The following SUGCT variants were observed in gnomAD, a reference collection of about 807,000 sequenced individuals.
SUGCT encodes succinyl-CoA:glutarate-CoA transferase.
In SUGCT, 41 loss-of-function variants were observed where a neutral mutation model predicts 55.0. The observed-to-expected ratio is 0.74, with a 90% CI of 0.58 to 0.97. The LOEUF (loss-of-function observed/expected upper bound fraction) is 0.97. SUGCT is among the 50% of genes least tolerant of loss of function. The pLI, the probability that SUGCT is intolerant of heterozygous loss-of-function variation, is 0.00. For synonymous variants in SUGCT, 187 were observed against 200.4 expected (o/e 0.93, Z 0.56); for missense variants, 568 against 547.8 (o/e 1.04, Z -0.37).
chr7:40,300,130 A>G (rs1220893752), intron 8 of SUGCT, among the ~76,000 whole-genome samples: 1 of 152,204 alleles, frequency 6.6e-6, no homozygotes, highest in East Asian at 1.9e-4. Context: ...CTTGGATGAT[A>G]TTTTTAAAAT....
the SUGCT span, among the ~76,000 whole-genome samples, chr7:40,900,211 G>T: frequency 2.0e-5 from 3 of 152,176 alleles, no homozygotes; most frequent in Admixed American, 6.5e-5. Context: ...GTCATTCAAT[G>T]CCCAGAGCAA....
chr7:40,838,607 C>T (rs78490985), intron 13 of SUGCT, among the ~76,000 whole-genome samples: 2,301 of 151,410 alleles, frequency 0.015, 142 homozygotes, highest in East Asian at 0.11. Context: ...ATCTTGTATC[C>T]TAAGGCCTTC....
chr7:40,890,902 T>A, the SUGCT span, among the ~76,000 whole-genome samples: 1 of 152,236 alleles, frequency 6.6e-6, no homozygotes, highest in African/African-American at 2.4e-5. Flanking sequence ...TGAATACTGA[T>A]GGAAAACCAA....
chr7:40,496,164 A>C (rs1192422816), intron 11 of SUGCT, 120 bp from the exon 12 acceptor site: 2 of 640,566 alleles, frequency 3.1e-6, no homozygotes, highest in African/African-American at 3.7e-5. Flanking sequence ...TGAGGTGTAA[A>C]GAAAGACTAG....
intron 9 of SUGCT, among the ~76,000 whole-genome samples, chr7:40,358,873 T>G (rs1798008532): frequency 6.6e-6 from 1 of 152,250 alleles, no homozygotes; most frequent in Non-Finnish European, 1.5e-5. Context: ...TTTAACTATT[T>G]AATAGGCTAG....
chr7:40,471,687 A>C (rs770595164), intron 11 of SUGCT, among the ~76,000 whole-genome samples: 9 of 152,270 alleles, frequency 5.9e-5, no homozygotes, highest in Non-Finnish European at 1.0e-4. Context: ...TCTAAAGTTT[A>C]TCTTCAAGTA....
chr7:40,616,787 C>T (rs554108390), intron 12 of SUGCT, among the ~76,000 whole-genome samples: 1 of 152,306 alleles, frequency 6.6e-6, no homozygotes, highest in Admixed American at 6.5e-5. Context: ...CCACCTTGCC[C>T]TCCAAGGGGA....
At chr7:40,892,707 A>G in the SUGCT span, among the ~76,000 whole-genome samples, 1 of 152,090 alleles carries the variant, frequency 6.6e-6, no homozygotes, top group East Asian at 1.9e-4. Context: ...CTAATTAAAA[A>G]AATTTTCTTT....
chr7:40,732,584 C>A (rs1445022070), intron 12 of SUGCT, among the ~76,000 whole-genome samples: 1 of 152,096 alleles, frequency 6.6e-6, no homozygotes, highest in East Asian at 1.9e-4. Context: ...ATGTCCAAAC[C>A]AGAGTGGCAG....
chr7:40,515,584 A>C (rs1344790926), intron 12 of SUGCT, among the ~76,000 whole-genome samples: 1 of 152,180 alleles, frequency 6.6e-6, no homozygotes, highest in Non-Finnish European at 1.5e-5. Flanking sequence ...TACTTTTATG[A>C]GTGTCTTCTT....
chr7:40,295,134 C>T (rs963339655), intron 8 of SUGCT, among the ~76,000 whole-genome samples: 1 of 152,046 alleles, frequency 6.6e-6, no homozygotes, highest in African/African-American at 2.4e-5. Flanking sequence ...TTTTTCACAT[C>T]TTTAACAAAA....
intron 12 of SUGCT, among the ~76,000 whole-genome samples, chr7:40,692,408 G>A (rs949082024): frequency 4.6e-5 from 7 of 152,176 alleles, no homozygotes; most frequent in Admixed American, 3.3e-4. Context: ...AGCTACTTCA[G>A]GTTTAGGAAG....
the SUGCT span, among the ~76,000 whole-genome samples, chr7:40,998,917 G>C: frequency 2.0e-5 from 3 of 152,172 alleles, no homozygotes; most frequent in Non-Finnish European, 4.4e-5. Flanking sequence ...GTGTTGAAAA[G>C]AGAAAAAGAA....
chr7:40,670,837 C>T (rs1289100919), intron 12 of SUGCT, among the ~76,000 whole-genome samples: 1 of 151,666 alleles, frequency 6.6e-6, no homozygotes, highest in Admixed American at 6.6e-5. Flanking sequence ...AACATTTTAC[C>T]AATGTTAAAA....
At chr7:40,641,208 T>G (rs556243630) in intron 12 of SUGCT, among the ~76,000 whole-genome samples, 4 of 152,336 alleles carry the variant, frequency 2.6e-5, no homozygotes, top group Non-Finnish European at 5.9e-5. Context: ...AACCAAAGGA[T>G]AAGACATTTG....
intron 6 of SUGCT, among the ~76,000 whole-genome samples, chr7:40,204,438 G>A: frequency 6.6e-6 from 1 of 151,932 alleles, no homozygotes; most frequent in Non-Finnish European, 1.5e-5. Context: ...GAGTAGCTGG[G>A]ACTACAGGTG....
chr7:40,846,514 A>G lies in SUGCT; in HGVS notation c.1154-13802A>G, dbSNP rs184556058. 9.4e-3 allele frequency among the ~76,000 whole-genome samples: 1,425 copies of G among 152,298 alleles called. 14 individuals carry two copies. Among genetic ancestry groups the G allele is most frequent in the Non-Finnish European group, 0.012 (826 of 68,022 alleles). On this transcript the variant is annotated intron_variant, in intron 13 of 13. Transcript: ENST00000335693. Reference sequence around the variant, plus strand: ...TATGAATAGTATTTCCTTATGGGCCATATATTTTTCCAGTAGGAAATGGAT... The same window carrying G: ...TATGAATAGTATTTCCTTATGGGCCGTATATTTTTCCAGTAGGAAATGGAT...
chr7:40,972,161 A>G, the SUGCT span, among the ~76,000 whole-genome samples: 3 of 152,098 alleles, frequency 2.0e-5, no homozygotes, highest in Non-Finnish European at 4.4e-5. Flanking sequence ...ATATGTTGTT[A>G]TTTTATTTCC....
At chr7:40,508,457 C>A (rs1002532354) in intron 12 of SUGCT, among the ~76,000 whole-genome samples, 1 of 152,092 alleles carries the variant, frequency 6.6e-6, no homozygotes, top group African/African-American at 2.4e-5. Context: ...AAGCCATAGT[C>A]CTAGAGTAGA....
Sources: allele counts gnomAD v4.1 joint callset (sites outside exome capture counted in the v4.1 genomes callset), GRCh38; gene constraint gnomAD v4.1.1; transcripts MANE v1.5; gene names NCBI Gene and HGNC (gene_info 2026-07-23, HGNC 2026-07-21).